The following TUBGCP2 variants were observed in gnomAD, a reference collection of about 807,000 sequenced individuals.
TUBGCP2 encodes gamma-tubulin complex component 2.
A neutral mutation model predicts 92.2 loss-of-function variants in TUBGCP2; 55 were observed. That is an observed-to-expected ratio of 0.60 (90% confidence interval 0.48 to 0.75). The LOEUF (loss-of-function observed/expected upper bound fraction) is 0.75. TUBGCP2 is among the 30% of genes least tolerant of loss of function. The pLI is 0.00. For synonymous variants in TUBGCP2, 533 were observed against 505.2 expected (o/e 1.06, Z -0.74); for missense variants, 1,093 against 1,188.9 (o/e 0.92, Z 1.19).
intron 4 of TUBGCP2, among the ~76,000 whole-genome samples, chr10:133,299,172 C>A (rs1182466890): frequency 6.6e-6 from 1 of 152,032 alleles, no homozygotes; most frequent in East Asian, 1.9e-4. Flanking sequence ...ACAACTCCCA[C>A]GTGGGTCAGA....
chr10:133,303,000 T>C lies in TUBGCP2; in HGVS notation c.-39-20A>G. 1.3e-6 allele frequency: 2 copies of C among 1,597,038 alleles called. No homozygotes were observed. The highest frequency in any genetic ancestry group is 1.3e-5 in the African/African-American group (1 of 74,600). On this transcript the variant is annotated intron_variant, in intron 1 of 17. Coordinates refer to ENST00000252936, the MANE Select transcript of TUBGCP2 (RefSeq NM_006659.4). Reference sequence around the variant, plus strand: ...GTTCTCCTATAGGTAAGAAGACAGCTATTCATAAAATTCAAACTGTAGAAA... The same window carrying C: ...GTTCTCCTATAGGTAAGAAGACAGCCATTCATAAAATTCAAACTGTAGAAA...
At chr10:133,305,364 T>C (rs1184664272) in intron 1 of TUBGCP2, among the ~76,000 whole-genome samples, 1 of 152,200 alleles carries the variant, frequency 6.6e-6, no homozygotes, top group African/African-American at 2.4e-5. Flanking sequence ...CATGACCTTA[T>C]CAATCATTGG....
rs1272065363 is a variant in TUBGCP2, at chr10:133,283,207, G to A, written c.2160C>T (p.Asp720=). The change falls in exon 15 of 18, where the codon GAC becomes GAT. Residue 720 remains aspartate, a synonymous_variant. Transcript: ENST00000252936. ...EKNLKSASNI[D]DVLGHHTGFL... ...AGCCTGTGTGGTGGCCAAGGACGTC[G>A]TCAATGTTGGAGGCCTGCGGGGAAC... is the stretch of plus-strand genomic sequence containing the variant. 13 of 1,614,214 alleles carry A rather than the reference G, an allele frequency of 8.1e-6. No individual in the cohort carries two copies. The highest frequency in any genetic ancestry group is 5.3e-5 in the African/African-American group (4 of 75,064).
chr10:133,309,777 G>T, upstream of TUBGCP2: 6 of 1,612,702 alleles, frequency 3.7e-6, no homozygotes, highest in Non-Finnish European at 5.1e-6. Flanking sequence ...CCTTGGCAGG[G>T]TGCCCGCGTT....
intron 8 of TUBGCP2, chr10:133,290,850 A>G (rs1390456899): frequency 6.6e-6 from 1 of 152,520 alleles, no homozygotes; most frequent in Non-Finnish European, 1.5e-5. Context: ...AAAGGTGCCC[A>G]TTATACCAGA....
intron 11 of TUBGCP2, 74 bp downstream of exon 11, chr10:133,288,055 G>A: frequency 6.6e-7 from 1 of 1,523,002 alleles, no homozygotes; most frequent in Non-Finnish European, 8.8e-7. Context: ...GACAGGGCTG[G>A]CCTCTGCTGT....
intron 4 of TUBGCP2, among the ~76,000 whole-genome samples, chr10:133,299,020 G>A (rs916065615): frequency 6.6e-6 from 1 of 152,154 alleles, no homozygotes; most frequent in Non-Finnish European, 1.5e-5. Context: ...AAATACAGAA[G>A]GAATAATAAA....
intron 1 of TUBGCP2, among the ~76,000 whole-genome samples, chr10:133,308,280 T>C (rs1374332513): frequency 6.6e-6 from 1 of 152,194 alleles, no homozygotes; most frequent in East Asian, 1.9e-4. Context: ...CCACACGCCC[T>C]GAGCACCTAG....
intron 13 of TUBGCP2, 120 bp downstream of exon 13, chr10:133,284,965 A>G (rs1847092800): frequency 1.4e-6 from 2 of 1,420,000 alleles, no homozygotes; most frequent in Non-Finnish European, 1.9e-6. Flanking sequence ...CTTCCAGATG[A>G]CACTTCCAGA....
rs201907609 is a variant in TUBGCP2, at chr10:133,279,759, C to G, written c.*7G>C. ...CCCACACCCTTCCTTCCTGTCACAG[C>G]CAGGGCTCACTGTGCGGTGACTGCG... On this transcript the variant is annotated 3_prime_UTR_variant, in exon 18 of 18. Coordinates refer to ENST00000252936, the MANE Select transcript of TUBGCP2 (RefSeq NM_006659.4). The G allele has an allele frequency of 6.4e-7, 1 of 1,552,908 alleles. No individual in the cohort carries two copies. Among genetic ancestry groups the G allele is most frequent in the East Asian group, 2.4e-5 (1 of 41,118 alleles).
intron 14 of TUBGCP2, 81 bp downstream of exon 14, chr10:133,283,801 C>A: frequency 6.3e-7 from 1 of 1,579,684 alleles, no homozygotes; most frequent in Non-Finnish European, 8.6e-7. Context: ...TCTCCCCTCG[C>A]CCTGCCTCTC....
upstream of TUBGCP2, chr10:133,312,234 C>A (rs983821483): frequency 7.6e-7 from 1 of 1,316,148 alleles, no homozygotes; most frequent in Non-Finnish European, 9.7e-7. Flanking sequence ...TGCCGTCTGC[C>A]TTCCTAGCAT....
At position 133,289,811 on chromosome 10, in the gene TUBGCP2, C is replaced by CGCTGCGCCGCGGACCCCAGGTCCCTGCCT; in HGVS notation, c.1360+12_1360+13insAGGCAGGGACCTGGGGTCCGCGGCGCAGC. On this transcript the variant is annotated intron_variant, in intron 9 of 17. Coordinates refer to ENST00000252936, the MANE Select transcript of TUBGCP2 (RefSeq NM_006659.4). Reference sequence around the variant, plus strand: ...GTGCTGCGCACCCCAAGTCCCCGCCCGCTGCGCCGCACCTGTGCTGAGGAT... The same window carrying CGCTGCGCCGCGGACCCCAGGTCCCTGCCT: ...GTGCTGCGCACCCCAAGTCCCCGCCCGCTGCGCCGCGGACCCCAGGTCCCTGCCTGCTGCGCCGCACCTGTGCTGAGGAT... The CGCTGCGCCGCGGACCCCAGGTCCCTGCCT allele has an allele frequency of 2.5e-6, 4 of 1,612,974 alleles. No homozygotes were observed. Among genetic ancestry groups the CGCTGCGCCGCGGACCCCAGGTCCCTGCCT allele is most frequent in the African/African-American group, 2.7e-5 (2 of 74,596 alleles).
chr10:133,305,319 G>A (rs1847783449), intron 1 of TUBGCP2, among the ~76,000 whole-genome samples: 2 of 152,356 alleles, frequency 1.3e-5, no homozygotes, highest in South Asian at 4.1e-4. Flanking sequence ...CTACGTAACA[G>A]GGAAGGGCCC....
At chr10:133,297,449 A>T (rs1032435856) in intron 5 of TUBGCP2, 10 of 449,946 alleles carry the variant, frequency 2.2e-5, no homozygotes, top group Admixed American at 1.7e-4. Flanking sequence ...ATTGTGACAG[A>T]TGAACACATC....
At chr10:133,282,069 C>T (rs568628213) in intron 16 of TUBGCP2, among the ~76,000 whole-genome samples, 154 bp downstream of exon 16, 61 of 152,360 alleles carry the variant, frequency 4.0e-4, no homozygotes, top group Non-Finnish European at 1.8e-4. Context: ...GGCTCTTGTG[C>T]TTGTGCTTGG....
chr10:133,293,052 G>A lies in TUBGCP2; in HGVS notation c.1011C>T (p.Ile337=), dbSNP rs1330912270. Reference sequence around the variant, plus strand: ...GCGGGCACGCACCGAGGGAGGCCAGGATGTCCATGGTGCGCATGGCTGGCT... The same window carrying A: ...GCGGGCACGCACCGAGGGAGGCCAGAATGTCCATGGTGCGCATGGCTGGCT... ...YIQPAMRTMD[I]LASLATSVDK... The change falls in exon 7 of 18, where the codon ATC becomes ATT. Residue 337 remains isoleucine, a synonymous_variant. Transcript: ENST00000252936. 4 of 1,613,106 alleles carry A rather than the reference G, an allele frequency of 2.5e-6. No homozygotes were observed. In the Admixed American group the frequency reaches 6.7e-5, roughly 27 times the overall value.
rs556209834 is a variant in TUBGCP2 at position 133,285,678 on chromosome 10, C to T, written c.1723-50G>A. 6.8e-6 allele frequency: 10 copies of T among 1,470,110 alleles called. No homozygotes were observed. In the Admixed American group the frequency reaches 7.9e-5, roughly 12 times the overall value. 91.1% of individuals were successfully genotyped at this position (1,470,110 alleles called of 1,614,324 possible). On this transcript the variant is annotated intron_variant, in intron 11 of 17. Transcript: ENST00000252936. The surrounding 1 kb of genome is among the most constrained non-coding windows in gnomAD (Gnocchi z 6.8). ...AGCATCCAGTTTTAAGGAAAAGACC[C>T]GAAGTCGCATCCCGATCGCCATCCT...
chr10:133,291,232 ACGCGCCCTC>A (rs1847280293), intron 8 of TUBGCP2, among the ~76,000 whole-genome samples: 1 of 132,492 alleles, frequency 7.5e-6, no homozygotes. Context: ...AGAGGGCAGC[ACGCGCCCTC>A]CGTGTCCCCC....
Sources: allele counts gnomAD v4.1 joint callset (sites outside exome capture counted in the v4.1 genomes callset), GRCh38; gene constraint gnomAD v4.1.1; non-coding constraint Gnocchi (gnomAD v3.1); transcripts MANE v1.5; gene names NCBI Gene and HGNC (gene_info 2026-07-23, HGNC 2026-07-21).